MDGA1: variants seen among roughly 807,000 people sequenced by gnomAD.
MDGA1 encodes MAM domain containing glycosylphosphatidylinositol anchor 1.
Under a neutral mutation model 101.5 loss-of-function variants are expected in MDGA1, and 54 were observed. The observed-to-expected ratio is 0.53, with a 90% CI of 0.43 to 0.67. The LOEUF (loss-of-function observed/expected upper bound fraction) is 0.67, where lower values mean the gene tolerates loss of function less well. Among genes scored for constraint, MDGA1 ranks in the 30% least tolerant of loss-of-function variants. The probability of loss-of-function intolerance (pLI) is 0.00; values close to 1 mark genes in which losing one functional copy is unlikely to be tolerated. For missense variants in MDGA1, 1,083 were observed against 1,323.8 expected (o/e 0.82, Z 2.82); for synonymous variants, 533 against 558.3 (o/e 0.95, Z 0.64).
rs987893701 is a variant in MDGA1 at position 37,655,294 on chromosome 6, T to C, written c.580-362A>G. 1.2e-5 allele frequency: 4 copies of C among 347,490 alleles called. No homozygotes were observed. Among genetic ancestry groups the C allele is most frequent in the Non-Finnish European group, 2.1e-5 (4 of 190,292 alleles). 21.5% of individuals were successfully genotyped at this position (347,490 alleles called of 1,614,324 possible). A position where few individuals can be genotyped will look rare whatever the true frequency, so the allele number is the denominator to read the frequency against. ...TGCAGCCACCGCTGAAAGCCCTCCT[T>C]GGCAGAATGGCATCACCACCATCTC... On this transcript the variant is annotated intron_variant, in intron 4 of 16. Coordinates refer to ENST00000434837, the MANE Select transcript of MDGA1 (RefSeq NM_153487.4). The surrounding 1 kb of genome is among the most constrained non-coding windows in gnomAD (Gnocchi z 5.1).
intron 3 of MDGA1, among the ~76,000 whole-genome samples, chr6:37,657,887 G>A (rs141705301): frequency 0.011 from 1,631 of 152,272 alleles, 29 homozygotes; most frequent in African/African-American, 0.036. Flanking sequence ...GGGAAGGGCA[G>A]CGGACAATGG....
At chr6:37,692,021 A>G (rs1457913013) in intron 1 of MDGA1, among the ~76,000 whole-genome samples, 10 of 152,200 alleles carry the variant, frequency 6.6e-5, no homozygotes, top group Non-Finnish European at 1.3e-4. Flanking sequence ...GTGCCTAGGG[A>G]CACCGGGGTG....
intron 10 of MDGA1, 91 bp from the exon 11 acceptor site, chr6:37,646,466 A>T: frequency 9.0e-7 from 1 of 1,108,420 alleles, no homozygotes; most frequent in Non-Finnish European, 1.2e-6. Flanking sequence ...TTCCGTGCCC[A>T]CCTCCCAGGG....
intron 1 of MDGA1, among the ~76,000 whole-genome samples, chr6:37,692,956 G>A (rs1292764414): frequency 1.3e-5 from 2 of 152,168 alleles, no homozygotes; most frequent in Non-Finnish European, 2.9e-5. Flanking sequence ...TGACCCTAAG[G>A]CGGGGGCTCT....
chr6:37,637,904 C>T (rs924050765), intron 16 of MDGA1: 2 of 534,752 alleles, frequency 3.7e-6, no homozygotes, highest in African/African-American at 3.8e-5. Flanking sequence ...CACACGTTCA[C>T]CTCTGGAGCC....
In MDGA1 at chr6:37,697,731, G is replaced by A. The variant is rs1449606858; in HGVS notation, c.-920C>T. On this transcript the variant is annotated 5_prime_UTR_variant, in exon 1 of 17. Transcript: ENST00000434837. Reference sequence around the variant, plus strand: ...GCTCTCGGGAGAGCGGGGCTACGCCGCGCCCCAAGTTGGTCGTCCCCGCCC... The same window carrying A: ...GCTCTCGGGAGAGCGGGGCTACGCCACGCCCCAAGTTGGTCGTCCCCGCCC... The A allele has an allele frequency of 6.7e-6, 1 of 149,802 alleles. No homozygotes were observed. Among genetic ancestry groups the A allele is most frequent in the Non-Finnish European group, 1.5e-5 (1 of 67,336 alleles). The allele number at this position is 149,802 out of a possible 1,614,324, so 9.3% of individuals were successfully genotyped here. A position where few individuals can be genotyped will look rare whatever the true frequency, so the allele number is the denominator to read the frequency against.
chr6:37,643,754 C>T (rs1010503864), intron 14 of MDGA1, 55 bp downstream of exon 14: 1 of 1,604,070 alleles, frequency 6.2e-7, no homozygotes, highest in African/African-American at 1.3e-5. Context: ...GGACCCCACT[C>T]CCCTCCCATC....
At position 37,635,899 on chromosome 6, in the gene MDGA1, G is replaced by A. The variant is rs758033302; in HGVS notation, c.*1469C>T. ...CAGGAAGGTGGACACACACGCTGAC[G>A]TACACGGACATTCATAGAAACGAAT... On this transcript the variant is annotated 3_prime_UTR_variant, in exon 17 of 17. Coordinates refer to ENST00000434837, the MANE Select transcript of MDGA1 (RefSeq NM_153487.4). 65 of 397,484 alleles carry A rather than the reference G, an allele frequency of 1.6e-4. 1 individual carries two copies. The highest frequency in any genetic ancestry group is 2.7e-4 in the Non-Finnish European group (62 of 225,714). 24.6% of individuals were successfully genotyped at this position (397,484 alleles called of 1,614,324 possible).
intron 1 of MDGA1, among the ~76,000 whole-genome samples, chr6:37,679,830 A>G (rs1762056476): frequency 6.6e-6 from 1 of 152,104 alleles, no homozygotes; most frequent in Non-Finnish European, 1.5e-5. Flanking sequence ...GCATGGGGTA[A>G]CTGAGGCACA....
intron 1 of MDGA1, among the ~76,000 whole-genome samples, chr6:37,665,509 A>G (rs1421552512): frequency 6.6e-6 from 1 of 152,208 alleles, no homozygotes; most frequent in African/African-American, 2.4e-5. Context: ...TAGCTGCCAC[A>G]AGGCTTTCTG....
At position 37,635,419 on chromosome 6, in the gene MDGA1, GA is replaced by G. The variant is rs1763904267; in HGVS notation, c.*1948del. The G allele has an allele frequency of 5.0e-6, 2 of 398,470 alleles. No individual in the cohort carries two copies. The highest frequency in any genetic ancestry group is 2.6e-4 in the South Asian group (2 of 7,612). The allele number at this position is 398,470 out of a possible 1,614,324, so 24.7% of individuals were successfully genotyped here. A position where few individuals can be genotyped will look rare whatever the true frequency, so the allele number is the denominator to read the frequency against. On this transcript the variant is annotated 3_prime_UTR_variant, in exon 17 of 17. Transcript: ENST00000434837. ...ATGGGACAGTTAAGGAACAATACCC[GA>G]CAGACGCGATGGAAGTGTATGCTGA...
At position 37,664,070 on chromosome 6, in the gene MDGA1, G is replaced by A. The variant is rs199995727; in HGVS notation, c.104C>T (p.Ala35Val). 2.0e-4 allele frequency: 325 copies of A among 1,613,778 alleles called. 3 individuals carry two copies. Among genetic ancestry groups the A allele is most frequent in the Non-Finnish European group, 4.5e-5 (53 of 1,179,880 alleles). ...AQAQIVHAGQ[A>V]CVVKEDNISE... is the part of the protein sequence containing the mutation. ...GATATTGTCCTCTTTCACCACACAT[G>A]CCTGGCCCGCATGCACGATCTGCGC... Residue 35 changes from alanine (A) to valine (V), a missense_variant, in exon 2 of 17, where the codon GCA becomes GTA. Ala to Val is a moderately conservative substitution (Grantham distance 64). Around this residue, in one of 3 missense-constraint regions of MDGA1, gnomAD observed 310 missense variants for 355.9 expected, o/e 0.87. Coordinates refer to ENST00000434837, the MANE Select transcript of MDGA1 (RefSeq NM_153487.4).
chr6:37,645,763 C>T (rs1051707703), intron 12 of MDGA1, among the ~76,000 whole-genome samples, 170 bp downstream of exon 12: 2 of 152,130 alleles, frequency 1.3e-5, no homozygotes, highest in African/African-American at 4.8e-5. Context: ...TAAACATCTC[C>T]AGCCCAACCC....
At chr6:37,687,015 T>C (rs1024026583) in intron 1 of MDGA1, among the ~76,000 whole-genome samples, 2 of 152,114 alleles carry the variant, frequency 1.3e-5, no homozygotes, top group African/African-American at 2.4e-5. Context: ...TTTGGGGAAG[T>C]AGACAGGCAC....
In MDGA1 at chr6:37,673,667, G is replaced by A. The variant is rs116314429; in HGVS notation, c.68-9561C>T. On this transcript the variant is annotated intron_variant, in intron 1 of 16. Transcript: ENST00000434837. Reference sequence around the variant, plus strand: ...AGCCCCGCTCTCTGCAGAGCTGGCTGGAGCCTGTCCTCTGTTCACCACCAG... The same window carrying A: ...AGCCCCGCTCTCTGCAGAGCTGGCTAGAGCCTGTCCTCTGTTCACCACCAG... 3.4e-3 allele frequency among the ~76,000 whole-genome samples: 510 copies of A among 152,164 alleles called. 6 individuals carry two copies. The highest frequency in any genetic ancestry group is 0.012 in the African/African-American group (488 of 41,526).
chr6:37,684,331 G>A (rs1056822427), intron 1 of MDGA1, among the ~76,000 whole-genome samples: 2 of 152,208 alleles, frequency 1.3e-5, no homozygotes, highest in Non-Finnish European at 2.9e-5. Flanking sequence ...TTTCCAATAA[G>A]GGCCTCTAAC....
intron 1 of MDGA1, among the ~76,000 whole-genome samples, chr6:37,668,890 C>T (rs1364186752): frequency 6.6e-6 from 1 of 152,142 alleles, no homozygotes; most frequent in Admixed American, 6.5e-5. Flanking sequence ...CTCTGTCGCC[C>T]AGGCTGGAGT....
In MDGA1 at chr6:37,696,229, A is replaced by T. The variant is rs1277683917; in HGVS notation, c.67+516T>A. The stretch of plus-strand genomic sequence containing the variant: ...GGCGCCAGGGCCAGGGGATGCCGGC[A>T]TCCTGATCAGGGTGTCAAGCCCTGA... On this transcript the variant is annotated intron_variant, in intron 1 of 16. Coordinates refer to ENST00000434837, the MANE Select transcript of MDGA1 (RefSeq NM_153487.4). The surrounding 1 kb of genome is among the most constrained non-coding windows in gnomAD (Gnocchi z 5.6). Among the ~76,000 whole-genome samples, 1 of 152,180 alleles carries T rather than the reference A, an allele frequency of 6.6e-6. No individual in the cohort carries two copies. The highest frequency in any genetic ancestry group is 2.4e-5 in the African/African-American group (1 of 41,450).
chr6:37,684,427 C>T (rs1268684460), intron 1 of MDGA1, among the ~76,000 whole-genome samples: 1 of 152,180 alleles, frequency 6.6e-6, no homozygotes, highest in Non-Finnish European at 1.5e-5. Flanking sequence ...ATGAGGTTCA[C>T]AGGGGTAGGG....
Sources: allele counts gnomAD v4.1 joint callset (sites outside exome capture counted in the v4.1 genomes callset), GRCh38; gene constraint gnomAD v4.1.1; regional missense constraint gnomAD v4.1.1; non-coding constraint Gnocchi (gnomAD v3.1); transcripts MANE v1.5; gene names NCBI Gene and HGNC (gene_info 2026-07-23, HGNC 2026-07-21).